The following WDR26 variants were observed in gnomAD, a reference collection of about 807,000 sequenced individuals.
The protein encoded by WDR26 is WD repeat-containing protein 26.
A neutral mutation model predicts 84.1 loss-of-function variants in WDR26; 5 were observed. That is an observed-to-expected ratio of 0.06 (90% CI 0.03 to 0.13). WDR26 has a LOEUF of 0.13. Among genes scored for constraint, WDR26 ranks in the 10% least tolerant of loss-of-function variants. The probability of loss-of-function intolerance (pLI) is 1.00; values close to 1 mark genes in which losing one functional copy is unlikely to be tolerated. For missense variants in WDR26, 642 were observed against 974.9 expected (o/e 0.66, Z 4.55); for synonymous variants, 415 against 389.6 (o/e 1.07, Z -0.77).
chr1:224,417,929 G>C (rs1266900403), intron 6 of WDR26, among the ~76,000 whole-genome samples: 1 of 152,088 alleles, frequency 6.6e-6, no homozygotes, highest in Non-Finnish European at 1.5e-5. Context: ...CTAAAAAGCA[G>C]AACTTTCATT....
At chr1:224,421,268 GAA>G (rs1239510567) in intron 4 of WDR26, among the ~76,000 whole-genome samples, 1 of 152,118 alleles carries the variant, frequency 6.6e-6, no homozygotes, top group Non-Finnish European at 1.5e-5. Context: ...ATCATCATGT[GAA>G]TGATATTCCG....
At chr1:224,426,590 C>T (rs1363525353) in intron 3 of WDR26, among the ~76,000 whole-genome samples, 2 of 150,996 alleles carry the variant, frequency 1.3e-5, no homozygotes, top group African/African-American at 2.4e-5. Context: ...TACATACAGC[C>T]TGAAGTTAAC....
chr1:224,394,065 C>A (rs778277945), intron 12 of WDR26, 52 bp from the exon 13 acceptor site: 3 of 1,345,998 alleles, frequency 2.2e-6, no homozygotes, highest in Non-Finnish European at 2.0e-6. Flanking sequence ...AACCAACTAA[C>A]TGATCTTAAA....
intron 12 of WDR26, 108 bp from the exon 13 acceptor site, chr1:224,394,121 A>G: frequency 1.3e-6 from 1 of 769,618 alleles, no homozygotes; most frequent in Non-Finnish European, 1.9e-6. Context: ...ACTTAAAGGG[A>G]AAATAAATAT....
intron 7 of WDR26, among the ~76,000 whole-genome samples, chr1:224,409,957 C>T (rs1175592607): frequency 6.6e-6 from 1 of 151,900 alleles, no homozygotes; most frequent in Non-Finnish European, 1.5e-5. Flanking sequence ...TTATCCTGAG[C>T]TAATAGCATA....
At chr1:224,409,970 T>C (rs2102903666) in intron 7 of WDR26, among the ~76,000 whole-genome samples, 1 of 152,002 alleles carries the variant, frequency 6.6e-6, no homozygotes, top group Middle Eastern at 3.4e-3. Context: ...ATAGCATATT[T>C]TAATTCTAAA....
intron 1 of WDR26, 77 bp downstream of exon 1, chr1:224,433,607 T>TCCCCCCCCCCCCC: frequency 4.0e-6 from 1 of 250,554 alleles, no homozygotes; most frequent in Non-Finnish European, 5.5e-6. Flanking sequence ...CCCTCCCCCC[T>TCCCCCCCCCCCCC]CCGCCCCTTC....
chr1:224,417,158 A>AG (rs1673928487), intron 6 of WDR26, among the ~76,000 whole-genome samples: 1 of 152,244 alleles, frequency 6.6e-6, no homozygotes, highest in Non-Finnish European at 1.5e-5. Flanking sequence ...ATCACAGTAG[A>AG]GATATGCATA....
chr1:224,422,943 T>A lies in WDR26; in HGVS notation c.1064+1575A>T, dbSNP rs73127511. On this transcript the variant is annotated intron_variant, in intron 4 of 13. Transcript: ENST00000414423. Reference sequence around the variant, plus strand: ...TTCCCTTAAGCAACTGGGTTGAAGATCTTGCGATATACTGGAAGTGGCACA... The same window carrying A: ...TTCCCTTAAGCAACTGGGTTGAAGAACTTGCGATATACTGGAAGTGGCACA... Among the ~76,000 whole-genome samples, 1,445 of 152,306 alleles carry A rather than the reference T, an allele frequency of 9.5e-3. 25 individuals are homozygous for A. Among genetic ancestry groups the A allele is most frequent in the African/African-American group, 0.033 (1,351 of 41,562 alleles).
chr1:224,427,103 C>CAAAAAAAAAAAAAAAA lies in WDR26; in HGVS notation c.928-2450_928-2449insTTTTTTTTTTTTTTTT, dbSNP rs769063024. Reference sequence around the variant, plus strand: ...GGGCAACGAGAGCAAAACTCTGTCTCCAAAAAAAAAAAAAAAAAAAAAAAG... The same window carrying CAAAAAAAAAAAAAAAA: ...GGGCAACGAGAGCAAAACTCTGTCTCAAAAAAAAAAAAAAAACAAAAAAAAAAAAAAAAAAAAAAAG... On this transcript the variant is annotated intron_variant, in intron 3 of 13. Coordinates refer to ENST00000414423, the MANE Select transcript of WDR26 (RefSeq NM_001379403.1). Among the ~76,000 whole-genome samples the CAAAAAAAAAAAAAAAA allele has an allele frequency of 2.4e-4, 22 of 91,166 alleles. 4 individuals carry two copies. Among genetic ancestry groups the CAAAAAAAAAAAAAAAA allele is most frequent in the African/African-American group, 8.2e-4 (19 of 23,148 alleles). The allele number at this position is 91,166 out of a possible 152,430, so 59.8% of individuals were successfully genotyped here.
At position 224,385,372 on chromosome 1, in the gene WDR26, AAAAT is replaced by A. The variant is rs1395720993; in HGVS notation, c.*4459_*4462del. Reference sequence around the variant, plus strand: ...TTTGTAAATAATTAGTAAACAAGTGAAAATAAATATCAGAGACCTGAAGTTTTTA... The same window carrying A: ...TTTGTAAATAATTAGTAAACAAGTGAAAATATCAGAGACCTGAAGTTTTTA... On this transcript the variant is annotated 3_prime_UTR_variant, in exon 14 of 14. Coordinates refer to ENST00000414423, the MANE Select transcript of WDR26 (RefSeq NM_001379403.1). 6.6e-6 allele frequency: 1 copy of A among 152,302 alleles called. No individual in the cohort carries two copies. The highest frequency in any genetic ancestry group is 1.5e-5 in the Non-Finnish European group (1 of 68,032). 9.4% of individuals were successfully genotyped at this position (152,302 alleles called of 1,614,324 possible). A position where few individuals can be genotyped will look rare whatever the true frequency, so the allele number is the denominator to read the frequency against.
rs1673192801 is a variant in WDR26 at position 224,394,006 on chromosome 1, C to T, written c.2082G>A (p.Lys694=). 4.0e-6 allele frequency: 6 copies of T among 1,507,922 alleles called. No homozygotes were observed. The highest frequency in any genetic ancestry group is 5.4e-6 in the Non-Finnish European group (6 of 1,107,670). 93.4% of individuals were successfully genotyped at this position (1,507,922 alleles called of 1,614,324 possible). ...CACTACGTTTGTGCCAGATGTAAAC[C>T]TTGTGATCTGAACATATAGTAATTC... The change falls in exon 13 of 14, where the codon AAG becomes AAA. Residue 694 remains lysine (K), a synonymous_variant. Coordinates refer to ENST00000414423, the MANE Select transcript of WDR26 (RefSeq NM_001379403.1).
intron 8 of WDR26, among the ~76,000 whole-genome samples, chr1:224,401,700 A>AAAAAAAC: frequency 1.1e-5 from 1 of 88,406 alleles, no homozygotes; most frequent in African/African-American, 4.3e-5. Context: ...GAAAAAAAAA[A>AAAAAAAC]AGAAAAAAGA....
In WDR26 at chr1:224,418,454, T is replaced by C. The variant is rs779605706; in HGVS notation, c.1163-38A>G. 4.0e-5 allele frequency: 62 copies of C among 1,537,044 alleles called. No individual in the cohort carries two copies. In the Middle Eastern group the frequency reaches 6.2e-4, roughly 15 times the overall value. The stretch of plus-strand genomic sequence containing the variant: ...ATATTTTAAAAAAGAGAAATAATAA[T>C]AAACTGTAAACTTTTATTTAAGACA... On this transcript the variant is annotated intron_variant, in intron 5 of 13. Transcript: ENST00000414423.
chr1:224,426,929 T>C (rs576992561), intron 3 of WDR26, among the ~76,000 whole-genome samples: 3 of 150,572 alleles, frequency 2.0e-5, no homozygotes, highest in African/African-American at 4.9e-5. Context: ...ACCCCGTCTC[T>C]ACTAAAAAAA....
At chr1:224,424,021 G>T (rs193216764) in intron 4 of WDR26, among the ~76,000 whole-genome samples, 6 of 151,018 alleles carry the variant, frequency 4.0e-5, no homozygotes, top group Non-Finnish European at 8.8e-5. Context: ...GATCACACTG[G>T]ACAACACTGT....
intron 7 of WDR26, 102 bp from the exon 8 acceptor site, chr1:224,404,672 A>G: frequency 7.1e-7 from 1 of 1,400,608 alleles, no homozygotes; most frequent in Non-Finnish European, 9.5e-7. Context: ...TGATAATTTA[A>G]TCTGAGGAAA....
rs1204196241 is a variant in WDR26, at chr1:224,434,367, G to C, written c.39C>G (p.Ser13=). 5.8e-6 allele frequency: 7 copies of C among 1,213,522 alleles called. No homozygotes were observed. Among genetic ancestry groups the C allele is most frequent in the Non-Finnish European group, 7.2e-6 (7 of 976,928 alleles). 75.2% of individuals were successfully genotyped at this position (1,213,522 alleles called of 1,614,324 possible). The change falls in exon 1 of 14, where the codon TCC becomes TCG. Residue 13 remains serine, a synonymous_variant. Coordinates refer to ENST00000414423, the MANE Select transcript of WDR26 (RefSeq NM_001379403.1). Reference sequence around the variant, plus strand: ...CGCCGGTGTCCGAGTCGGAGGAGGAGGAAGCGGAGGCCAGAGTTTCCTCGC... The same window carrying C: ...CGCCGGTGTCCGAGTCGGAGGAGGACGAAGCGGAGGCCAGAGTTTCCTCGC...
rs183553993 is a variant in WDR26 at position 224,431,515 on chromosome 1, C to T, written c.889G>A (p.Ala297Thr). 1.2e-6 allele frequency: 2 copies of T among 1,614,046 alleles called. No individual in the cohort carries two copies. Among genetic ancestry groups the T allele is most frequent in the African/African-American group, 1.3e-5 (1 of 75,024 alleles). The change falls in exon 3 of 14, where the codon GCA (alanine) becomes ACA (threonine). Residue 297 changes from alanine (A) to threonine (T), a missense_variant. Around this residue, in one of 2 missense-constraint regions of WDR26, gnomAD observed 351 missense variants for 672.8 expected, o/e 0.52. Transcript: ENST00000414423. ...AACAACGTTTGAGAGATTTCAAGTG[C>T]GCCTCTTACCACAATAGCATGAGGA...
Sources: allele counts gnomAD v4.1 joint callset (sites outside exome capture counted in the v4.1 genomes callset), GRCh38; gene constraint gnomAD v4.1.1; regional missense constraint gnomAD v4.1.1; transcripts MANE v1.5; gene names NCBI Gene and HGNC (gene_info 2026-07-23, HGNC 2026-07-21).